Variants in MOXD1 observed in about 807,000 individuals in gnomAD.
The protein encoded by MOXD1 is DBH-like monooxygenase protein 1.
Under a neutral mutation model 66.6 loss-of-function variants are expected in MOXD1, and 62 were observed. The observed-to-expected ratio is 0.93, with a 90% CI of 0.76 to 1.15. MOXD1 has a LOEUF of 1.15. Ranked by LOEUF, MOXD1 falls within the 50% of genes most tolerant of loss-of-function variation. The pLI, the probability that MOXD1 is intolerant of heterozygous loss-of-function variation, is 0.00. For synonymous variants in MOXD1, 303 were observed against 281.9 expected (o/e 1.07, Z -0.75); for missense variants, 847 against 754.6 (o/e 1.12, Z -1.44).
chr6:132,341,105 C>A (rs9375873), intron 4 of MOXD1, among the ~76,000 whole-genome samples: 6,901 of 152,186 alleles, frequency 0.045, 698 homozygotes, highest in East Asian at 0.44. Flanking sequence ...CTGAATGTGT[C>A]CCCCAAAAAT....
chr6:132,318,026 C>T (rs1229263659), intron 9 of MOXD1, among the ~76,000 whole-genome samples: 1 of 152,058 alleles, frequency 6.6e-6, no homozygotes, highest in African/African-American at 2.4e-5. Context: ...TTAATATAGG[C>T]AGCTTTCATT....
chr6:132,312,751 G>A (rs528362414), intron 10 of MOXD1, among the ~76,000 whole-genome samples: 1 of 151,514 alleles, frequency 6.6e-6, no homozygotes, highest in Non-Finnish European at 1.5e-5. Context: ...CACTGGTGGA[G>A]CTCATTGGGA....
intron 1 of MOXD1, among the ~76,000 whole-genome samples, chr6:132,381,982 T>C (rs961612234): frequency 2.0e-5 from 3 of 152,108 alleles, no homozygotes; most frequent in African/African-American, 7.2e-5. Flanking sequence ...TATGCACTCA[T>C]GGTAAAGGCC....
intron 10 of MOXD1, among the ~76,000 whole-genome samples, chr6:132,299,750 A>T (rs908593121): frequency 1.3e-5 from 2 of 152,184 alleles, no homozygotes; most frequent in Non-Finnish European, 2.9e-5. Flanking sequence ...GCAGGAAATT[A>T]TCATGGTGAC....
chr6:132,305,616 C>T (rs1024785485), intron 10 of MOXD1, among the ~76,000 whole-genome samples: 2 of 152,216 alleles, frequency 1.3e-5, no homozygotes, highest in Non-Finnish European at 2.9e-5. Flanking sequence ...CAGGTTGGTG[C>T]TCCTTGAGGT....
At chr6:132,338,497 T>C (rs970975893) in intron 4 of MOXD1, among the ~76,000 whole-genome samples, 6 of 152,190 alleles carry the variant, frequency 3.9e-5, no homozygotes, top group African/African-American at 7.2e-5. Context: ...AGATGGGACA[T>C]GTTCTCCATG....
intron 4 of MOXD1, among the ~76,000 whole-genome samples, chr6:132,342,386 T>G (rs765077983): frequency 2.0e-5 from 3 of 152,270 alleles, no homozygotes; most frequent in Non-Finnish European, 4.4e-5. Context: ...AAAACTATAC[T>G]CAGTTCTGTA....
At chr6:132,368,268 C>A (rs577454467) in intron 4 of MOXD1, among the ~76,000 whole-genome samples, 1 of 152,114 alleles carries the variant, frequency 6.6e-6, no homozygotes, top group Admixed American at 6.5e-5. Flanking sequence ...ACGGTAAAGT[C>A]ACATCTAAAA....
chr6:132,339,142 A>T (rs765773954), intron 4 of MOXD1, among the ~76,000 whole-genome samples: 1 of 152,148 alleles, frequency 6.6e-6, no homozygotes, highest in African/African-American at 2.4e-5. Flanking sequence ...TATATTAAGG[A>T]TTTGATTTTC....
intron 4 of MOXD1, among the ~76,000 whole-genome samples, chr6:132,366,478 C>G (rs149438031): frequency 6.6e-6 from 1 of 151,196 alleles, no homozygotes; most frequent in Non-Finnish European, 1.5e-5. Context: ...TGACAACAAA[C>G]CAAAATGCTG....
At position 132,297,004 on chromosome 6, in the gene MOXD1, T is replaced by G; in HGVS notation, c.*149A>C. On this transcript the variant is annotated 3_prime_UTR_variant, in exon 12 of 12. Transcript: ENST00000367963. ...AAGAGAACCTGATTGATGTCTCTCA[T>G]GTAACATGGAAAGGAAAAAGGAGGG... The G allele has an allele frequency of 1.5e-6, 1 of 667,592 alleles. No individual in the cohort carries two copies. 41.4% of individuals were successfully genotyped at this position (667,592 alleles called of 1,614,324 possible). A position where few individuals can be genotyped will look rare whatever the true frequency, so the allele number is the denominator to read the frequency against.
At chr6:132,320,123 T>C (rs1775045672) in intron 9 of MOXD1, among the ~76,000 whole-genome samples, 1 of 152,182 alleles carries the variant, frequency 6.6e-6, no homozygotes, top group Non-Finnish European at 1.5e-5. Context: ...TTTTATGACT[T>C]GGTGGGAGGT....
rs1776288519 is a variant in MOXD1, at chr6:132,372,663, T to C, written c.608A>G (p.Tyr203Cys). 1 of 1,613,980 alleles carries C rather than the reference T, an allele frequency of 6.2e-7. No individual in the cohort carries two copies. The highest frequency in any genetic ancestry group is 1.7e-5 in the Admixed American group (1 of 60,008). ...AGGAATCTTAAACATTTGGCACCAATATGTTGTATCTTTGTTTGGGATGGG... is the reference window on the plus strand; with the variant it reads ...AGGAATCTTAAACATTTGGCACCAACATGTTGTATCTTTGTTTGGGATGGG... Reference protein sequence around the residue: ...DVPIPNKDTTYWCQMFKIPVF... With the variant: ...DVPIPNKDTTCWCQMFKIPVF... The change falls in exon 4 of 12, where the codon TAT (tyrosine) becomes TGT (cysteine). Residue 203 changes from tyrosine to cysteine, a missense_variant. Tyr to Cys is a radical substitution (Grantham distance 194, BLOSUM62 -2). Coordinates refer to ENST00000367963, the MANE Select transcript of MOXD1 (RefSeq NM_015529.4).
intron 4 of MOXD1, among the ~76,000 whole-genome samples, chr6:132,349,470 T>TATATATAC (rs1775756247): frequency 5.1e-5 from 2 of 38,848 alleles, no homozygotes; most frequent in African/African-American, 1.6e-4. Flanking sequence ...TATATACATA[T>TATATATAC]ATATATATAT....
At position 132,309,742 on chromosome 6, in the gene MOXD1, A is replaced by G. The variant is rs562421010; in HGVS notation, c.1508+5893T>C. On this transcript the variant is annotated intron_variant, in intron 10 of 11. Transcript: ENST00000367963. ...ACCATTAACAAACTTGACAAAAACAAGCAATGGGGAAAGGATCTCCTATTA... is the reference window on the plus strand; with the variant it reads ...ACCATTAACAAACTTGACAAAAACAGGCAATGGGGAAAGGATCTCCTATTA... Among the ~76,000 whole-genome samples the G allele has an allele frequency of 2.0e-5, 3 of 152,318 alleles. No homozygotes were observed. The East Asian group carries it at 5.8e-4, about 29-fold the overall frequency.
chr6:132,325,395 T>C (rs189251477), intron 6 of MOXD1, among the ~76,000 whole-genome samples: 120 of 152,328 alleles, frequency 7.9e-4, no homozygotes, highest in African/African-American at 2.8e-3. Flanking sequence ...TGTGATGATA[T>C]TGAATGGTGA....
chr6:132,326,172 TATAAA>T (rs1468215773), intron 6 of MOXD1, among the ~76,000 whole-genome samples: 1 of 152,076 alleles, frequency 6.6e-6, no homozygotes, highest in African/African-American at 2.4e-5. Context: ...CTTAAGCACA[TATAAA>T]ATGATTATTA....
chr6:132,397,694 GAAAGAAAA>G (rs1776927114), intron 1 of MOXD1, among the ~76,000 whole-genome samples: 2 of 117,608 alleles, frequency 1.7e-5, no homozygotes, highest in Admixed American at 8.7e-5. Flanking sequence ...AAGAAAGAAA[GAAAGAAAA>G]AGAAAGAGTA....
chr6:132,309,916 C>T (rs754234398), intron 10 of MOXD1, among the ~76,000 whole-genome samples: 1 of 152,166 alleles, frequency 6.6e-6, no homozygotes, highest in Non-Finnish European at 1.5e-5. Flanking sequence ...AAAACCTAGG[C>T]AATACCATTC....
Sources: gnomAD v4.1 joint callset for allele counts (sites outside exome capture counted in the v4.1 genomes callset) on GRCh38, gnomAD v4.1.1 for gene constraint, MANE v1.5 for transcripts, NCBI Gene and HGNC (gene_info 2026-07-23, HGNC 2026-07-21) for gene names.